The following MREG variants were observed in gnomAD, a reference collection of about 807,000 sequenced individuals.
MREG encodes the protein melanoregulin.
MREG carries 31 observed loss-of-function variants against 28.5 expected under a neutral mutation model. That is an observed-to-expected ratio of 1.09 (90% confidence interval 0.82 to 1.47). The LOEUF (loss-of-function observed/expected upper bound fraction) is 1.47. Ranked by LOEUF, MREG falls within the 40% of genes most tolerant of loss-of-function variation. The probability of loss-of-function intolerance (pLI) is 0.00; values close to 1 mark genes in which losing one functional copy is unlikely to be tolerated. For synonymous variants in MREG, 106 were observed against 95.2 expected, an observed-to-expected ratio of 1.11 and a Z score of -0.66; for missense variants, 256 against 257.4, an observed-to-expected ratio of 0.99 and a Z score of 0.04.
At chr2:216,019,565 C>T (rs576513445) in intron 1 of MREG, among the ~76,000 whole-genome samples, 8 of 150,798 alleles carry the variant, frequency 5.3e-5, no homozygotes, top group Non-Finnish European at 1.2e-4. Flanking sequence ...AGTGCAGTGA[C>T]GCAATCTCGG....
At chr2:216,021,079 C>T (rs1473547442) in intron 1 of MREG, among the ~76,000 whole-genome samples, 3 of 152,200 alleles carry the variant, frequency 2.0e-5, no homozygotes, top group South Asian at 4.1e-4. Context: ...TTCTTGGACC[C>T]TATTTGACAT....
chr2:215,957,422 A>ATCCC (rs1036434488), intron 2 of MREG, among the ~76,000 whole-genome samples: 1 of 148,434 alleles, frequency 6.7e-6, no homozygotes, highest in African/African-American at 2.5e-5. Flanking sequence ...TACTTTTCCC[A>ATCCC]TCCCTCCCTC....
At position 215,996,305 on chromosome 2, in the gene MREG, C is replaced by A. The variant is rs1574639200; in HGVS notation, c.255+1G>T. ...ACAGCAAGACATCAAAAGGTGCTCA[C>A]CTCTGAGTCTTTGGCCTGCTGATTA... On this transcript the variant is annotated splice_donor_variant, in intron 2 of 4. Transcript: ENST00000263268. LOFTEE classifies it high-confidence loss of function. 5.6e-6 allele frequency: 9 copies of A among 1,613,190 alleles called. No homozygotes were observed. The highest frequency in any genetic ancestry group is 7.6e-6 in the Non-Finnish European group (9 of 1,179,682).
In MREG at chr2:215,944,843, T is replaced by C. The variant is rs749029987; in HGVS notation, c.*20A>G. The stretch of plus-strand genomic sequence containing the variant: ...TGAGTCCTCATGGAAGAATTCCCAT[T>C]CTGCCCCTGAGCCTCTCCTTTAGGG... On this transcript the variant is annotated 3_prime_UTR_variant, in exon 5 of 5. Transcript: ENST00000263268. 1.3e-6 allele frequency: 2 copies of C among 1,563,116 alleles called. No homozygotes were observed. Among genetic ancestry groups the C allele is most frequent in the Non-Finnish European group, 1.8e-6 (2 of 1,141,550 alleles).
chr2:215,951,302 T>C (rs967344817), intron 2 of MREG, among the ~76,000 whole-genome samples: 3 of 152,244 alleles, frequency 2.0e-5, no homozygotes, highest in African/African-American at 7.2e-5. Flanking sequence ...CTAACTCCGC[T>C]ACTCCCTGGC....
intron 1 of MREG, among the ~76,000 whole-genome samples, chr2:216,030,994 A>ACT (rs1313160136): frequency 6.8e-6 from 1 of 146,476 alleles, no homozygotes; most frequent in Non-Finnish European, 1.5e-5. Flanking sequence ...ACACACACAC[A>ACT]CTCTGTCCCT....
chr2:215,990,507 C>A (rs531237639), intron 2 of MREG, among the ~76,000 whole-genome samples: 8 of 152,300 alleles, frequency 5.3e-5, no homozygotes, highest in Middle Eastern at 6.8e-3. Flanking sequence ...AAATAACCAG[C>A]TAGCATCATA....
intron 2 of MREG, among the ~76,000 whole-genome samples, chr2:215,986,514 T>G (rs1304890915): frequency 6.6e-6 from 1 of 152,236 alleles, no homozygotes; most frequent in Non-Finnish European, 1.5e-5. Context: ...TTCTCCACCT[T>G]GAAGTGTTTT....
upstream of MREG, chr2:216,033,716 C>T (rs905686841): frequency 6.6e-6 from 1 of 152,414 alleles, no homozygotes; most frequent in African/African-American, 2.4e-5. Context: ...CTCTGTAAGG[C>T]AATGTGAATG....
intron 1 of MREG, among the ~76,000 whole-genome samples, chr2:215,997,680 AC>A (rs1693907019): frequency 6.6e-6 from 1 of 152,220 alleles, no homozygotes; most frequent in African/African-American, 2.4e-5. Flanking sequence ...GGCCATGAGA[AC>A]ATATGCAAGC....
At position 216,030,319 on chromosome 2, in the gene MREG, G is replaced by A. The variant is rs147601513; in HGVS notation, c.-68+2470C>T. Among the ~76,000 whole-genome samples, 19 of 152,262 alleles carry A rather than the reference G, an allele frequency of 1.2e-4. No homozygotes were observed. In the Middle Eastern group the frequency reaches 0.014, roughly 109 times the overall value. On this transcript the variant is annotated intron_variant, in intron 1 of 3. Transcript: ENST00000420348. ...ACAGGGCAGGGGTCGGGGCTCTGAA[G>A]CCAAACTCCTTTGGTTCCAATGCCA...
At chr2:215,957,217 T>C (rs998572211) in intron 2 of MREG, among the ~76,000 whole-genome samples, 8 of 152,090 alleles carry the variant, frequency 5.3e-5, no homozygotes, top group South Asian at 2.1e-4. Context: ...GAAAACACAA[T>C]TGAAATCTGG....
At chr2:216,006,678 C>G (rs981233999) in intron 1 of MREG, among the ~76,000 whole-genome samples, 3 of 152,220 alleles carry the variant, frequency 2.0e-5, no homozygotes, top group Non-Finnish European at 4.4e-5. Flanking sequence ...CTGACATAAA[C>G]GTACTCGTCA....
chr2:215,975,556 G>A (rs993176130), intron 2 of MREG, among the ~76,000 whole-genome samples: 9 of 152,120 alleles, frequency 5.9e-5, no homozygotes, highest in Admixed American at 2.0e-4. Flanking sequence ...ACCATTTGGG[G>A]GCAGCCACAT....
chr2:215,940,158 G>C (rs1468869546), downstream of MREG, among the ~76,000 whole-genome samples: 1 of 152,230 alleles, frequency 6.6e-6, no homozygotes, highest in South Asian at 2.1e-4. Context: ...ATATGTTTAA[G>C]TGACTTGAAA....
intron 2 of MREG, among the ~76,000 whole-genome samples, chr2:215,949,929 T>C (rs1692441979): frequency 6.6e-6 from 1 of 152,260 alleles, no homozygotes; most frequent in Non-Finnish European, 1.5e-5. Context: ...ACTATACTTT[T>C]ATGTAAGTTG....
At position 215,945,705 on chromosome 2, in the gene MREG, AC is replaced by A. The variant is rs1194763232; in HGVS notation, c.375del (p.Leu125PhefsTer3). ...LGFQKEADSLLSVTKLSTISD... is the reference protein window; with the variant it reads ...LGFQKEADSLXSVTKLSTISD... The stretch of plus-strand genomic sequence containing the variant: ...CTGATGGTGCTGAGTTTAGTCACTG[AC>A]AACAAAGAGTCAGCTTCCTTTTGAA... On this transcript the variant is annotated frameshift_variant, in exon 4 of 5. Coordinates refer to ENST00000263268, the MANE Select transcript of MREG (RefSeq NM_018000.3). LOFTEE classifies it high-confidence loss of function. The A allele has an allele frequency of 6.2e-7, 1 of 1,613,718 alleles. No homozygotes were observed. The highest frequency in any genetic ancestry group is 8.5e-7 in the Non-Finnish European group (1 of 1,179,778).
At chr2:215,997,381 A>T (rs1017650168) in intron 1 of MREG, among the ~76,000 whole-genome samples, 1 of 152,222 alleles carries the variant, frequency 6.6e-6, no homozygotes, top group South Asian at 2.1e-4. Context: ...GTGACAGAGC[A>T]TCACATCTGG....
At chr2:216,006,224 G>T (rs1013507963) in intron 1 of MREG, among the ~76,000 whole-genome samples, 6 of 152,220 alleles carry the variant, frequency 3.9e-5, no homozygotes, top group African/African-American at 1.4e-4. Context: ...GTCACAAAAA[G>T]AGAAGAGGGA....
Sources: gnomAD v4.1 joint callset for allele counts (sites outside exome capture counted in the v4.1 genomes callset) on GRCh38, gnomAD v4.1.1 for gene constraint, MANE v1.5 for transcripts, NCBI Gene and HGNC (gene_info 2026-07-23, HGNC 2026-07-21) for gene names.